The following TMTC1 variants were observed in gnomAD, a reference collection of about 807,000 sequenced individuals.
TMTC1 encodes the protein transmembrane O-mannosyltransferase targeting cadherins 1.
Under a neutral mutation model 104.8 loss-of-function variants are expected in TMTC1, and 73 were observed. The ratio of observed to expected loss-of-function variants is 0.70; its 90% CI spans 0.58 to 0.85. The LOEUF is 0.85. Ranked by LOEUF, TMTC1 falls within the 40% of genes least tolerant of loss-of-function variation. TMTC1 has a pLI of 0.00. For missense variants in TMTC1, 1,035 were observed against 1,096.1 expected (o/e 0.94, Z 0.79); for synonymous variants, 434 against 428.7 (o/e 1.01, Z -0.15).
rs143907087 is a variant in TMTC1, at chr12:29,663,714, G to A, written c.939-30378C>T. On this transcript the variant is annotated intron_variant, in intron 5 of 17. Transcript: ENST00000539277. ...GTACTTTTAGTAGAGACAGGGTTTC[G>A]CCATGTTGGCCAGGCTGGTCTCAAA... is the stretch of plus-strand genomic sequence containing the variant. Among the ~76,000 whole-genome samples, 817 of 115,008 alleles carry A rather than the reference G, an allele frequency of 7.1e-3. 92 individuals are homozygous for A. The highest frequency in any genetic ancestry group is 0.024 in the African/African-American group (730 of 30,468). The allele number at this position is 115,008 out of a possible 152,430, so 75.4% of individuals were successfully genotyped here.
At chr12:29,624,290 T>G (rs1343866141) in intron 6 of TMTC1, among the ~76,000 whole-genome samples, 3 of 151,934 alleles carry the variant, frequency 2.0e-5, no homozygotes, top group Non-Finnish European at 4.4e-5. Context: ...AGGACCTGAA[T>G]TCCTTTCTCT....
chr12:29,591,995 T>A (rs1417652877), intron 7 of TMTC1, among the ~76,000 whole-genome samples: 1 of 152,238 alleles, frequency 6.6e-6, no homozygotes, highest in Admixed American at 6.5e-5. Flanking sequence ...TTTCTACCTC[T>A]GGCTCAGACA....
At chr12:29,608,322 T>C (rs77703570) in intron 6 of TMTC1, among the ~76,000 whole-genome samples, 3,335 of 152,280 alleles carry the variant, frequency 0.022, 59 homozygotes, top group Admixed American at 0.044. Context: ...GATTCAATAA[T>C]ACCCTAACAA....
chr12:29,544,827 A>G (rs1170693926), intron 10 of TMTC1, among the ~76,000 whole-genome samples: 1 of 152,344 alleles, frequency 6.6e-6, no homozygotes, highest in African/African-American at 2.4e-5. Context: ...GGATGCTTTG[A>G]TGATGCAGTT....
intron 5 of TMTC1, among the ~76,000 whole-genome samples, chr12:29,648,239 TTA>T (rs1049831771): frequency 6.6e-6 from 1 of 152,136 alleles, no homozygotes; most frequent in African/African-American, 2.4e-5. Context: ...AACTCATACT[TTA>T]ACATGATTCC....
chr12:29,565,239 G>A (rs1009584884), intron 9 of TMTC1, among the ~76,000 whole-genome samples: 4 of 152,106 alleles, frequency 2.6e-5, no homozygotes, highest in Admixed American at 6.6e-5. Context: ...GTCCTTCAAC[G>A]GGATGGATGA....
intron 7 of TMTC1, among the ~76,000 whole-genome samples, chr12:29,599,362 T>C (rs2136383862): frequency 6.6e-6 from 1 of 152,324 alleles, no homozygotes; most frequent in African/African-American, 2.4e-5. Context: ...TATTCCAATT[T>C]CTTTTGGTGG....
chr12:29,771,435 C>T lies in TMTC1; in HGVS notation c.303-3360G>A, dbSNP rs112343681. ...CAAACCAGACAGACAGGGAACTGCA[C>T]AAATCAAACAATTTTTCATTTCAAT... On this transcript the variant is annotated intron_variant, in intron 1 of 17. Transcript: ENST00000539277. 9.2e-3 allele frequency among the ~76,000 whole-genome samples: 1,394 copies of T among 152,230 alleles called. 22 individuals are homozygous for T. The highest frequency in any genetic ancestry group is 0.031 in the African/African-American group (1,291 of 41,540).
At chr12:29,687,933 C>T (rs1466516509) in intron 5 of TMTC1, among the ~76,000 whole-genome samples, 2 of 152,122 alleles carry the variant, frequency 1.3e-5, no homozygotes, top group East Asian at 3.9e-4. Context: ...CCTAATACTT[C>T]CTTAAAGGGC....
chr12:29,731,139 CTGA>C (rs1215151866), intron 5 of TMTC1, among the ~76,000 whole-genome samples: 6 of 152,128 alleles, frequency 3.9e-5, no homozygotes, highest in African/African-American at 9.7e-5. Context: ...AATAAATGGG[CTGA>C]TAATAATCTA....
At chr12:29,545,676 C>CACACACACACACAG (rs1555167547) in intron 10 of TMTC1, among the ~76,000 whole-genome samples, 3,526 of 137,888 alleles carry the variant, frequency 0.026, 242 homozygotes, top group African/African-American at 0.058. Flanking sequence ...CACACACACA[C>CACACACACACACAG]GGATAGAAAC....
chr12:29,545,629 T>TCTCACACA (rs1333007328), intron 10 of TMTC1, among the ~76,000 whole-genome samples: 7 of 73,530 alleles, frequency 9.5e-5, no homozygotes, highest in African/African-American at 4.0e-4. Context: ...CAAGACTCTG[T>TCTCACACA]CACACACACA....
intron 5 of TMTC1, among the ~76,000 whole-genome samples, chr12:29,732,986 A>G (rs1472398196): frequency 1.3e-5 from 2 of 152,170 alleles, no homozygotes; most frequent in Middle Eastern, 3.2e-3. Context: ...ATGTTCCAGT[A>G]CCTTCTCCTA....
Position 29,783,358 on chromosome 12 carries a change from G to A in TMTC1, c.302+92C>T. 1 of 1,142,194 alleles carries A rather than the reference G, an allele frequency of 8.8e-7. No homozygotes were observed. The highest frequency in any genetic ancestry group is 1.1e-6 in the Non-Finnish European group (1 of 900,462). The allele number at this position is 1,142,194 out of a possible 1,614,324, so 70.8% of individuals were successfully genotyped here. A position where few individuals can be genotyped will look rare whatever the true frequency, so the allele number is the denominator to read the frequency against. On this transcript the variant is annotated intron_variant, in intron 1 of 17. Coordinates refer to ENST00000539277, the MANE Select transcript of TMTC1 (RefSeq NM_001193451.2). This position sits in a 1 kb window ranked among gnomAD's most constrained non-coding sequence, Gnocchi z 4.7. Reference sequence around the variant, plus strand: ...AGGGAAAGGGCGGCAAAAATGAAATGCCCCCAAGTCAGTCCCGCAACTTCT... The same window carrying A: ...AGGGAAAGGGCGGCAAAAATGAAATACCCCCAAGTCAGTCCCGCAACTTCT...
intron 5 of TMTC1, among the ~76,000 whole-genome samples, chr12:29,722,294 G>C (rs1435687312): frequency 1.3e-5 from 2 of 152,108 alleles, no homozygotes; most frequent in Non-Finnish European, 2.9e-5. Flanking sequence ...AAGAGCGGTG[G>C]TGATCTGTTG....
intron 5 of TMTC1, among the ~76,000 whole-genome samples, chr12:29,673,600 T>C (rs1076523): frequency 0.023 from 3,425 of 151,892 alleles, 78 homozygotes; most frequent in Admixed American, 0.052. Context: ...TATTCATATA[T>C]GTATATTTAC....
At chr12:29,548,850 T>TAA (rs1945015688) in intron 10 of TMTC1, among the ~76,000 whole-genome samples, 12 of 67,706 alleles carry the variant, frequency 1.8e-4, no homozygotes, top group South Asian at 1.2e-3. Flanking sequence ...ATCTAAAATA[T>TAA]ATAATATATA....
chr12:29,666,845 G>A (rs1433569918), intron 5 of TMTC1, among the ~76,000 whole-genome samples: 6 of 152,226 alleles, frequency 3.9e-5, no homozygotes, highest in Non-Finnish European at 8.8e-5. Context: ...ATCATAAACA[G>A]TGATATATGA....
chr12:29,720,140 T>G (rs1018830528), intron 5 of TMTC1, among the ~76,000 whole-genome samples: 1 of 152,240 alleles, frequency 6.6e-6, no homozygotes, highest in Admixed American at 6.5e-5. Flanking sequence ...AATGCTATCA[T>G]GTTTGAACTC....
Sources: gnomAD v4.1 joint callset for allele counts (sites outside exome capture counted in the v4.1 genomes callset) on GRCh38, gnomAD v4.1.1 for gene constraint, Gnocchi (gnomAD v3.1) non-coding constraint, MANE v1.5 for transcripts, NCBI Gene and HGNC (gene_info 2026-07-23, HGNC 2026-07-21) for gene names.